Variants in NREP observed in about 807,000 individuals in gnomAD.
NREP encodes neuronal regeneration-related protein.
NREP carries 5 observed loss-of-function variants against 8.6 expected under a neutral mutation model. The ratio of observed to expected loss-of-function variants is 0.58; its 90% CI spans 0.30 to 1.22. The LOEUF (loss-of-function observed/expected upper bound fraction) is 1.22. Among genes scored for constraint, NREP ranks in the 50% most tolerant of loss-of-function variants. NREP has a pLI of 0.07. For missense variants in NREP, 86 were observed against 82.5 expected, an observed-to-expected ratio of 1.04 and a Z score of -0.17; for synonymous variants, 27 against 28.0, an observed-to-expected ratio of 0.96 and a Z score of 0.11.
At chr5:111,801,643 A>G (rs1752011094) in intron 2 of NREP, among the ~76,000 whole-genome samples, 1 of 152,222 alleles carries the variant, frequency 6.6e-6, no homozygotes, top group South Asian at 2.1e-4. Context: ...AAAAATATAT[A>G]CATACAAGTA....
chr5:111,874,275 G>A (rs1325932151), intron 2 of NREP, among the ~76,000 whole-genome samples: 1 of 152,172 alleles, frequency 6.6e-6, no homozygotes, highest in Non-Finnish European at 1.5e-5. Context: ...AACACTGTAT[G>A]TGTGCTCTAT....
At chr5:111,755,502 T>G (rs1336735231) in intron 2 of NREP, 1 of 463,330 alleles carries the variant, frequency 2.2e-6, no homozygotes, top group Non-Finnish European at 4.0e-6. Flanking sequence ...TAGTTTCTGT[T>G]GTTCAAATTA....
intron 2 of NREP, among the ~76,000 whole-genome samples, chr5:111,793,361 G>A (rs897470182): frequency 6.6e-6 from 1 of 152,156 alleles, no homozygotes; most frequent in African/African-American, 2.4e-5. Context: ...TCTGAAGGGG[G>A]AGGGGAGGAG....
chr5:111,951,926 C>G (rs990355015), intron 2 of NREP, among the ~76,000 whole-genome samples: 5 of 152,016 alleles, frequency 3.3e-5, no homozygotes, highest in Non-Finnish European at 7.4e-5. Flanking sequence ...GGCTAAGGCA[C>G]AAAAGTGGAT....
intron 2 of NREP, among the ~76,000 whole-genome samples, chr5:111,783,927 T>C (rs1161051654): frequency 6.6e-6 from 1 of 152,228 alleles, no homozygotes; most frequent in African/African-American, 2.4e-5. Context: ...GTTTACTAAT[T>C]ATAAGACCTT....
chr5:111,820,116 G>C (rs914233733), intron 2 of NREP, among the ~76,000 whole-genome samples: 1 of 95,566 alleles, frequency 1.0e-5, no homozygotes, highest in Non-Finnish European at 2.5e-5. Flanking sequence ...AGTCCGTAGA[G>C]AGAGAATCTC....
Position 111,833,438 on chromosome 5 carries a change from CTT to C in NREP, c.136-97933_136-97932del, listed in dbSNP as rs144705190. Among the ~76,000 whole-genome samples, 490 of 152,322 alleles carry C rather than the reference CTT, an allele frequency of 3.2e-3. 6 individuals carry two copies. Among genetic ancestry groups the C allele is most frequent in the South Asian group, 0.015 (73 of 4,826 alleles). ...TTATGAATGACAGAATCATTCTAGA[CTT>C]TTCTCCTTGCAGACCGAGGTAAAAT... On this transcript the variant is annotated intron_variant, in intron 2 of 3. Coordinates refer to the NREP transcript ENST00000395634.
intron 2 of NREP, among the ~76,000 whole-genome samples, chr5:111,820,272 G>A (rs1002683165): frequency 9.8e-5 from 15 of 152,286 alleles, no homozygotes; most frequent in Admixed American, 7.8e-4. Flanking sequence ...AAGGCAGAGC[G>A]CCACCTTGCT....
intron 2 of NREP, among the ~76,000 whole-genome samples, chr5:111,745,756 C>G (rs186244275): frequency 5.3e-5 from 8 of 152,238 alleles, no homozygotes; most frequent in Admixed American, 5.2e-4. Flanking sequence ...GTTTTTGTTC[C>G]TCTCAGTTGA....
chr5:111,882,991 G>T (rs371416523), intron 2 of NREP, among the ~76,000 whole-genome samples: 1 of 152,310 alleles, frequency 6.6e-6, no homozygotes, highest in African/African-American at 2.4e-5. Context: ...AACTTTAAAT[G>T]TAAATGGACT....
intron 2 of NREP, among the ~76,000 whole-genome samples, chr5:111,782,486 G>A (rs1425967797): frequency 6.6e-6 from 1 of 152,154 alleles, no homozygotes; most frequent in African/African-American, 2.4e-5. Context: ...TGGAGAATCT[G>A]TGTTTCAAAT....
chr5:111,876,414 GAGAAA>G (rs1297322204), intron 2 of NREP, among the ~76,000 whole-genome samples: 2 of 152,120 alleles, frequency 1.3e-5, no homozygotes, highest in Non-Finnish European at 2.9e-5. Flanking sequence ...ATGGGGCTCA[GAGAAA>G]AGAATAAAGC....
intron 2 of NREP, among the ~76,000 whole-genome samples, chr5:111,975,093 G>C (rs1302767053): frequency 6.6e-6 from 1 of 152,218 alleles, no homozygotes; most frequent in Non-Finnish European, 1.5e-5. Context: ...GAGATGCAGA[G>C]GAAGGCACAC....
chr5:111,746,416 A>C (rs1322107974), intron 2 of NREP, among the ~76,000 whole-genome samples: 1 of 152,150 alleles, frequency 6.6e-6, no homozygotes, highest in Non-Finnish European at 1.5e-5. Flanking sequence ...AAGACTCCAC[A>C]GGGCAGTAAG....
intron 2 of NREP, among the ~76,000 whole-genome samples, chr5:111,970,980 T>C (rs1053465438): frequency 2.6e-5 from 4 of 152,152 alleles, no homozygotes; most frequent in Admixed American, 6.6e-5. Context: ...GTTAAAAATA[T>C]GAATTCCAAG....
At chr5:111,854,175 A>C (rs976472096) in intron 2 of NREP, among the ~76,000 whole-genome samples, 31 of 152,198 alleles carry the variant, frequency 2.0e-4, no homozygotes, top group Admixed American at 2.0e-3. Context: ...TTTCAAATAT[A>C]GAAACACTCT....
At chr5:111,841,464 T>G (rs916437172) in intron 2 of NREP, among the ~76,000 whole-genome samples, 1 of 152,146 alleles carries the variant, frequency 6.6e-6, no homozygotes, top group Admixed American at 6.6e-5. Flanking sequence ...TCTATAGCAG[T>G]AGCTGGACTA....
At chr5:111,880,124 T>C (rs1355539185) in intron 2 of NREP, among the ~76,000 whole-genome samples, 3 of 152,206 alleles carry the variant, frequency 2.0e-5, no homozygotes, top group South Asian at 2.1e-4. Flanking sequence ...GGTTTGAATT[T>C]CATCATCTAC....
At chr5:111,915,165 G>T (rs1755022088) in intron 2 of NREP, among the ~76,000 whole-genome samples, 2 of 152,066 alleles carry the variant, frequency 1.3e-5, no homozygotes, top group African/African-American at 4.8e-5. Flanking sequence ...CAGGGAACTG[G>T]AAGTGCCTGA....
Sources: gnomAD v4.1 joint callset for allele counts (sites outside exome capture counted in the v4.1 genomes callset) on GRCh38, gnomAD v4.1.1 for gene constraint, MANE v1.5 for transcripts, NCBI Gene and HGNC (gene_info 2026-07-23, HGNC 2026-07-21) for gene names.